The following EXOC6B variants were observed in gnomAD, a reference collection of about 807,000 sequenced individuals.
The protein encoded by EXOC6B is exocyst complex component 6B, also known as SEC15 homolog B.
EXOC6B carries 54 observed loss-of-function variants against 113.5 expected under a neutral mutation model. The observed-to-expected ratio is 0.48, with a 90% CI of 0.38 to 0.60. EXOC6B has a LOEUF of 0.60. Among genes scored for constraint, EXOC6B ranks in the 20% least tolerant of loss-of-function variants. EXOC6B has a pLI of 0.00. For synonymous variants in EXOC6B, 357 were observed against 339.0 expected, an observed-to-expected ratio of 1.05 and a Z score of -0.58; for missense variants, 797 against 977.5, an observed-to-expected ratio of 0.82 and a Z score of 2.46.
chr2:72,592,251 T>A (rs1357931599), intron 6 of EXOC6B, among the ~76,000 whole-genome samples: 1 of 152,166 alleles, frequency 6.6e-6, no homozygotes, highest in African/African-American at 2.4e-5. Flanking sequence ...TAGCCATTCT[T>A]CCTTTGAGGG....
At chr2:72,717,018 TCA>T in intron 6 of EXOC6B, among the ~76,000 whole-genome samples, 1 of 152,326 alleles carries the variant, frequency 6.6e-6, no homozygotes, top group South Asian at 2.1e-4. Flanking sequence ...AGGTATATTG[TCA>T]CTGATTAATT....
At chr2:72,402,730 A>T in intron 18 of EXOC6B, among the ~76,000 whole-genome samples, 1 of 152,178 alleles carries the variant, frequency 6.6e-6, no homozygotes, top group Middle Eastern at 3.2e-3. Flanking sequence ...AAAACTAGAT[A>T]CTTGAATAAT....
At chr2:72,228,135 G>A (rs533014749) in intron 20 of EXOC6B, among the ~76,000 whole-genome samples, 13 of 152,232 alleles carry the variant, frequency 8.5e-5, no homozygotes, top group South Asian at 6.2e-4. Flanking sequence ...AAAGGGAAGC[G>A]ATCAAAAGTG....
intron 6 of EXOC6B, among the ~76,000 whole-genome samples, chr2:72,583,151 T>C (rs911595786): frequency 2.0e-5 from 3 of 151,706 alleles, no homozygotes; most frequent in East Asian, 3.9e-4. Flanking sequence ...CAGACAAAAA[T>C]AAAGAAAAAA....
chr2:72,661,591 C>A (rs11902654), intron 6 of EXOC6B, among the ~76,000 whole-genome samples: 2 of 151,872 alleles, frequency 1.3e-5, no homozygotes, highest in East Asian at 1.9e-4. Flanking sequence ...ATAAAAACTA[C>A]GAAATGCTAA....
At chr2:72,607,748 T>C (rs923875754) in intron 6 of EXOC6B, among the ~76,000 whole-genome samples, 3 of 152,276 alleles carry the variant, frequency 2.0e-5, no homozygotes, top group Non-Finnish European at 2.9e-5. Flanking sequence ...CAAAGAAATT[T>C]TCTAATATTC....
intron 1 of EXOC6B, among the ~76,000 whole-genome samples, chr2:72,804,884 A>G (rs1685495936): frequency 6.6e-6 from 1 of 152,152 alleles, no homozygotes; most frequent in Non-Finnish European, 1.5e-5. Flanking sequence ...GACGTGAGCC[A>G]CCACACCCGG....
intron 20 of EXOC6B, among the ~76,000 whole-genome samples, chr2:72,251,780 A>G (rs10221767): frequency 0.12 from 18,198 of 152,242 alleles, 1,339 homozygotes; most frequent in Admixed American, 0.16. Context: ...AATCATGAAT[A>G]GCGTAACTAT....
chr2:72,195,959 T>A (rs1336119482), intron 20 of EXOC6B, among the ~76,000 whole-genome samples: 2 of 152,230 alleles, frequency 1.3e-5, no homozygotes, highest in Non-Finnish European at 1.5e-5. Flanking sequence ...AAGGTAATGA[T>A]AATGTTCTGT....
chr2:72,222,972 T>C (rs1483076044), intron 20 of EXOC6B, among the ~76,000 whole-genome samples: 1 of 152,190 alleles, frequency 6.6e-6, no homozygotes, highest in Non-Finnish European at 1.5e-5. Flanking sequence ...TTAGTGGTTA[T>C]ATATGTGAGT....
intron 19 of EXOC6B, among the ~76,000 whole-genome samples, chr2:72,341,726 A>G (rs554402708): frequency 2.0e-5 from 3 of 152,132 alleles, no homozygotes; most frequent in Non-Finnish European, 4.4e-5. Flanking sequence ...GACTTGAACA[A>G]CACTATAAAC....
chr2:72,639,427 C>T (rs1367616508), intron 6 of EXOC6B, among the ~76,000 whole-genome samples: 2 of 152,190 alleles, frequency 1.3e-5, no homozygotes, highest in African/African-American at 2.4e-5. Flanking sequence ...TCAAGGGCCC[C>T]GTACACCCCC....
chr2:72,371,040 C>T (rs757479692), intron 19 of EXOC6B, among the ~76,000 whole-genome samples: 4 of 151,032 alleles, frequency 2.6e-5, no homozygotes, highest in Non-Finnish European at 4.4e-5. Flanking sequence ...GGACACAAAA[C>T]TCCTCCTCCA....
At chr2:72,536,614 T>C (rs988703331) in intron 8 of EXOC6B, among the ~76,000 whole-genome samples, 20 of 152,146 alleles carry the variant, frequency 1.3e-4, no homozygotes, top group Admixed American at 5.2e-4. Flanking sequence ...ATTAATTGCC[T>C]CTCCTCTTGG....
At chr2:72,800,569 A>C (rs973689927) in intron 1 of EXOC6B, among the ~76,000 whole-genome samples, 1 of 152,202 alleles carries the variant, frequency 6.6e-6, no homozygotes, top group African/African-American at 2.4e-5. Flanking sequence ...GCTGACTACA[A>C]GATAGACATC....
chr2:72,636,970 T>C (rs1246206003), intron 6 of EXOC6B, among the ~76,000 whole-genome samples: 2 of 150,186 alleles, frequency 1.3e-5, no homozygotes, highest in East Asian at 1.9e-4. Context: ...TTCAGCAAAG[T>C]CACAGCATAT....
At chr2:72,297,323 G>C (rs2104738761) in intron 20 of EXOC6B, among the ~76,000 whole-genome samples, 1 of 152,186 alleles carries the variant, frequency 6.6e-6, no homozygotes, top group South Asian at 2.1e-4. Context: ...AAACTCAATA[G>C]TTGTTTTTTT....
intron 7 of EXOC6B, among the ~76,000 whole-genome samples, chr2:72,559,822 G>A (rs1475075515): frequency 6.6e-6 from 1 of 152,060 alleles, no homozygotes; most frequent in Non-Finnish European, 1.5e-5. Flanking sequence ...TTTGACCATG[G>A]GACTCTAAAG....
chr2:72,606,324 C>T (rs1184544622), intron 6 of EXOC6B, among the ~76,000 whole-genome samples: 1 of 151,754 alleles, frequency 6.6e-6, no homozygotes. Context: ...TATATATATA[C>T]ATATGCCATA....
Sources: gnomAD v4.1 joint callset for allele counts (sites outside exome capture counted in the v4.1 genomes callset) on GRCh38, gnomAD v4.1.1 for gene constraint, MANE v1.5 for transcripts, NCBI Gene and HGNC (gene_info 2026-07-23, HGNC 2026-07-21) for gene names.